Variants in DLG2 observed in about 807,000 individuals in gnomAD.
DLG2 encodes disks large homolog 2.
Under a neutral mutation model 132.5 loss-of-function variants are expected in DLG2, and 45 were observed. The observed-to-expected ratio is 0.34, with a 90% confidence interval of 0.27 to 0.44. The LOEUF (loss-of-function observed/expected upper bound fraction) is 0.44. Among genes scored for constraint, DLG2 ranks in the 20% least tolerant of loss-of-function variants. The pLI is 1.00. For missense variants in DLG2, 1,045 were observed against 1,196.9 expected (o/e 0.87, Z 1.87); for synonymous variants, 424 against 419.6 (o/e 1.01, Z -0.13).
intron 22 of DLG2, among the ~76,000 whole-genome samples, chr11:83,475,101 A>G (rs931807940): frequency 6.6e-6 from 1 of 152,138 alleles, no homozygotes; most frequent in South Asian, 2.1e-4. Flanking sequence ...GGCCACCCCA[A>G]TTCTCAAGAC....
intron 6 of DLG2, among the ~76,000 whole-genome samples, chr11:84,889,175 G>A (rs1018755960): frequency 2.6e-5 from 4 of 151,932 alleles, no homozygotes; most frequent in African/African-American, 4.8e-5. Context: ...ACTGACAAAC[G>A]GACAAAGAAA....
intron 3 of DLG2, among the ~76,000 whole-genome samples, chr11:85,378,689 AGAC>A: frequency 6.6e-6 from 1 of 152,308 alleles, no homozygotes; most frequent in Middle Eastern, 3.4e-3. Context: ...GAAATAAAAT[AGAC>A]AACACCTCCT....
chr11:84,370,110 T>A (rs1010907866), intron 7 of DLG2, among the ~76,000 whole-genome samples: 10 of 152,148 alleles, frequency 6.6e-5, no homozygotes. Flanking sequence ...GAAGAGGATA[T>A]CCCCTCTTTC....
chr11:85,623,927 C>T (rs1480307342), intron 2 of DLG2, among the ~76,000 whole-genome samples: 1 of 152,120 alleles, frequency 6.6e-6, no homozygotes, highest in African/African-American at 2.4e-5. Flanking sequence ...TCAGAGAATA[C>T]TAATACAACT....
chr11:83,657,108 T>A (rs2072726438), intron 18 of DLG2, among the ~76,000 whole-genome samples: 3 of 152,246 alleles, frequency 2.0e-5, no homozygotes, highest in Admixed American at 1.3e-4. Context: ...CTCTTTATTA[T>A]AACATCTAGA....
intron 6 of DLG2, among the ~76,000 whole-genome samples, chr11:85,059,392 A>T (rs916002356): frequency 6.6e-6 from 1 of 151,548 alleles, no homozygotes; most frequent in African/African-American, 2.4e-5. Flanking sequence ...TTATTCTAAG[A>T]TCTAGCAATT....
chr11:84,115,195 G>C (rs910031194), intron 9 of DLG2, among the ~76,000 whole-genome samples: 4 of 152,118 alleles, frequency 2.6e-5, no homozygotes, highest in African/African-American at 9.7e-5. Context: ...GAACTTATTT[G>C]ACCCAATAAT....
At chr11:83,776,781 A>G (rs961004227) in intron 18 of DLG2, among the ~76,000 whole-genome samples, 1 of 152,048 alleles carries the variant, frequency 6.6e-6, no homozygotes, top group South Asian at 2.1e-4. Context: ...TTTTTCTGCT[A>G]TGCTTTGACA....
intron 14 of DLG2, among the ~76,000 whole-genome samples, chr11:83,945,169 A>G (rs1175833771): frequency 6.6e-6 from 1 of 152,180 alleles, no homozygotes; most frequent in Non-Finnish European, 1.5e-5. Flanking sequence ...CCAGCCACTC[A>G]GGAGGCTGAG....
chr11:83,723,583 A>G (rs1201747098), intron 18 of DLG2, among the ~76,000 whole-genome samples: 1 of 151,518 alleles, frequency 6.6e-6, no homozygotes, highest in Non-Finnish European at 1.5e-5. Flanking sequence ...GGCCAGAAAT[A>G]GTGGCTCACG....
rs966897409 is a variant in DLG2 at position 84,494,007 on chromosome 11, GT to G, written c.519+40562del. ...GGATTCAGTTGATGTAAGTGAGGTGGTTTAAAAGCAGACAGGGTAGGCAGTA... is the reference window on the plus strand; with the variant it reads ...GGATTCAGTTGATGTAAGTGAGGTGGTTAAAAGCAGACAGGGTAGGCAGTA... On this transcript the variant is annotated intron_variant, in intron 7 of 27. Transcript: ENST00000376104. Among the ~76,000 whole-genome samples, 76 of 152,278 alleles carry G rather than the reference GT, an allele frequency of 5.0e-4. 1 individual carries two copies. The highest frequency in any genetic ancestry group is 1.8e-3 in the African/African-American group (75 of 41,564).
intron 8 of DLG2, among the ~76,000 whole-genome samples, chr11:84,206,242 T>C (rs2096663691): frequency 6.6e-6 from 1 of 152,102 alleles, no homozygotes; most frequent in African/African-American, 2.4e-5. Context: ...TTGAAAACAT[T>C]GAATGTGAAG....
rs2066611400 is a variant in DLG2 at position 85,076,872 on chromosome 11, C to CAAAA, written c.357+34788_357+34789insTTTT. On this transcript the variant is annotated intron_variant, in intron 6 of 27. Transcript: ENST00000376104. ...TATCTGCTGAGCTTTCATTATGTGCCTGGTACTGCATTTAGCACTGAAGAC... is the reference window on the plus strand; with the variant it reads ...TATCTGCTGAGCTTTCATTATGTGCCAAAATGGTACTGCATTTAGCACTGAAGAC... Among the ~76,000 whole-genome samples, 5 of 152,090 alleles carry CAAAA rather than the reference C, an allele frequency of 3.3e-5. No homozygotes were observed. The East Asian group carries it at 9.7e-4, about 30-fold the overall frequency.
intron 4 of DLG2, among the ~76,000 whole-genome samples, chr11:85,174,621 G>A (rs1011054919): frequency 6.6e-6 from 1 of 151,922 alleles, no homozygotes; most frequent in African/African-American, 2.4e-5. Context: ...AGATCAGAGT[G>A]GAACTAAGGA....
intron 7 of DLG2, among the ~76,000 whole-genome samples, chr11:84,456,945 C>A (rs1183909993): frequency 6.6e-6 from 1 of 151,084 alleles, no homozygotes; most frequent in Non-Finnish European, 1.5e-5. Context: ...AAAAAAGGTA[C>A]AGCAACATTT....
At chr11:85,217,320 A>T (rs201152371) in intron 4 of DLG2, among the ~76,000 whole-genome samples, 6,795 of 150,414 alleles carry the variant, frequency 0.045, 203 homozygotes, top group East Asian at 0.1. Context: ...TCTCTCTCTC[A>T]CACACACACA....
At chr11:85,060,242 T>C (rs2063915206) in intron 6 of DLG2, among the ~76,000 whole-genome samples, 3 of 151,492 alleles carry the variant, frequency 2.0e-5, no homozygotes, top group Admixed American at 1.3e-4. Context: ...TCCTAAAGGT[T>C]TATCTTTGTT....
chr11:85,258,688 T>C (rs920641916), intron 4 of DLG2, among the ~76,000 whole-genome samples: 1 of 152,208 alleles, frequency 6.6e-6, no homozygotes, highest in African/African-American at 2.4e-5. Context: ...AAAACTCTTC[T>C]ACAATACGCA....
At chr11:83,874,246 G>GGAAGGAAGGAAGGAGAGAGGGAA (rs1555101664) in intron 16 of DLG2, among the ~76,000 whole-genome samples, 174 bp downstream of exon 16, 1 of 143,972 alleles carries the variant, frequency 6.9e-6, no homozygotes, top group African/African-American at 2.6e-5. Flanking sequence ...AAAGAAAGAA[G>GGAAGGAAGGAAGGAGAGAGGGAA]GGAAGGAAGG....
Sources: gnomAD v4.1 joint callset for allele counts (sites outside exome capture counted in the v4.1 genomes callset) on GRCh38, gnomAD v4.1.1 for gene constraint, MANE v1.5 for transcripts, NCBI Gene and HGNC (gene_info 2026-07-23, HGNC 2026-07-21) for gene names.